Variants in ZNF892 observed in about 807,000 individuals in gnomAD.
ZNF892 encodes the protein zinc finger protein 570-like.
chr2:95,212,042 C>G, the ZNF892 span, among the ~76,000 whole-genome samples: 1 of 152,162 alleles, frequency 6.6e-6, no homozygotes, highest in Non-Finnish European at 1.5e-5. Flanking sequence ...ATAAGGGACT[C>G]AAACCCCTAT....
chr2:95,244,151 G>A, the ZNF892 span, among the ~76,000 whole-genome samples: 7 of 150,448 alleles, frequency 4.7e-5, no homozygotes, highest in South Asian at 4.3e-4. Context: ...CAGCATGCTC[G>A]TTAAGAGTCA....
the ZNF892 span, among the ~76,000 whole-genome samples, chr2:95,238,636 C>T: frequency 6.6e-6 from 1 of 152,088 alleles, no homozygotes; most frequent in Non-Finnish European, 1.5e-5. Context: ...TGGATCTGAA[C>T]AAAGTAAATT....
the ZNF892 span, among the ~76,000 whole-genome samples, chr2:95,231,376 G>C: frequency 6.6e-6 from 1 of 152,292 alleles, no homozygotes; most frequent in East Asian, 1.9e-4. Flanking sequence ...AAGTAGAAGA[G>C]TCACTGCTAC....
the ZNF892 span, among the ~76,000 whole-genome samples, chr2:95,245,294 A>T: frequency 3.8e-5 from 5 of 131,616 alleles, no homozygotes; most frequent in African/African-American, 1.5e-4. Flanking sequence ...TTTGTTGCCC[A>T]GGCTGGAGTG....
the ZNF892 span, among the ~76,000 whole-genome samples, chr2:95,258,753 G>A: frequency 2.0e-5 from 3 of 152,216 alleles, no homozygotes; most frequent in African/African-American, 7.2e-5. Context: ...AGGTTCTAGA[G>A]CAAATGGGGC....
At chr2:95,234,120 C>T in the ZNF892 span, among the ~76,000 whole-genome samples, 1 of 152,150 alleles carries the variant, frequency 6.6e-6, no homozygotes, top group African/African-American at 2.4e-5. Context: ...CTCCCAGGTT[C>T]AAGCAATTCT....
the ZNF892 span, among the ~76,000 whole-genome samples, chr2:95,240,316 C>T: frequency 6.6e-6 from 1 of 152,138 alleles, no homozygotes; most frequent in Non-Finnish European, 1.5e-5. Context: ...TGAAGAAAAG[C>T]AGGGTGGGGC....
chr2:95,249,244 T>A, the ZNF892 span, among the ~76,000 whole-genome samples: 4 of 123,846 alleles, frequency 3.2e-5, no homozygotes, highest in African/African-American at 1.2e-4. Context: ...TTTTTTTTTT[T>A]TTTTTTTTTT....
the ZNF892 span, among the ~76,000 whole-genome samples, chr2:95,232,684 T>G: frequency 6.6e-6 from 1 of 152,196 alleles, no homozygotes; most frequent in African/African-American, 2.4e-5. Flanking sequence ...CTTTAGAGGC[T>G]TTGTCTATGG....
the ZNF892 span, chr2:95,215,468 T>C: frequency 2.3e-6 from 1 of 438,480 alleles, no homozygotes; most frequent in South Asian, 8.8e-5. Flanking sequence ...GTAAGGAATG[T>C]GGAAAAGCCT....
the ZNF892 span, among the ~76,000 whole-genome samples, chr2:95,218,231 A>T: frequency 6.6e-6 from 1 of 152,202 alleles, no homozygotes; most frequent in Non-Finnish European, 1.5e-5. Flanking sequence ...TAGAATTTTC[A>T]AATCTCTTTA....
At chr2:95,240,214 A>G in the ZNF892 span, among the ~76,000 whole-genome samples, 25 of 152,332 alleles carry the variant, frequency 1.6e-4, no homozygotes, top group Admixed American at 1.5e-3. Flanking sequence ...ATGGAGAGGA[A>G]TGAAAGGAGC....
At chr2:95,254,341 T>C in the ZNF892 span, among the ~76,000 whole-genome samples, 2 of 152,210 alleles carry the variant, frequency 1.3e-5, no homozygotes, top group African/African-American at 4.8e-5. Flanking sequence ...GAGATAATCA[T>C]GTGGTTTTTG....
the ZNF892 span, among the ~76,000 whole-genome samples, chr2:95,236,059 A>G: frequency 6.6e-6 from 1 of 152,208 alleles, no homozygotes; most frequent in South Asian, 2.1e-4. Context: ...TCTGTGGGCA[A>G]GGAGTCAGGC....
the ZNF892 span, among the ~76,000 whole-genome samples, chr2:95,220,470 A>G: frequency 6.6e-6 from 1 of 151,642 alleles, no homozygotes; most frequent in South Asian, 2.1e-4. Context: ...GTTCTTCCTC[A>G]GGTTCTGAGG....
chr2:95,231,433 G>A, the ZNF892 span, among the ~76,000 whole-genome samples: 34 of 152,328 alleles, frequency 2.2e-4, no homozygotes, highest in African/African-American at 7.9e-4. Context: ...TTTCTAGGGC[G>A]ATGACATTCC....
the ZNF892 span, among the ~76,000 whole-genome samples, chr2:95,236,260 T>C: frequency 6.6e-6 from 1 of 152,166 alleles, no homozygotes; most frequent in Non-Finnish European, 1.5e-5. Context: ...ATAAGAATAC[T>C]CAAAGTTTCC....
chr2:95,234,230 G>A, the ZNF892 span, among the ~76,000 whole-genome samples: 13 of 152,320 alleles, frequency 8.5e-5, no homozygotes, highest in Admixed American at 3.9e-4. Flanking sequence ...TCCATATGGC[G>A]CCAGCAGTCA....
chr2:95,249,575 C>T, the ZNF892 span, among the ~76,000 whole-genome samples: 1 of 151,874 alleles, frequency 6.6e-6, no homozygotes, highest in Non-Finnish European at 1.5e-5. Flanking sequence ...CATTAATAAC[C>T]TTTCTTTTAC....
Sources: gnomAD v4.1 joint callset for allele counts (sites outside exome capture counted in the v4.1 genomes callset) on GRCh38, gnomAD v4.1.1 for gene constraint, MANE v1.5 for transcripts, NCBI Gene and HGNC (gene_info 2026-07-23, HGNC 2026-07-21) for gene names.